The following BMP7 variants were observed in gnomAD, a reference collection of about 807,000 sequenced individuals.
BMP7 encodes bone morphogenetic protein 7, also known as osteogenic protein 1.
A neutral mutation model predicts 41.2 loss-of-function variants in BMP7; 12 were observed. The ratio of observed to expected loss-of-function variants is 0.29; its 90% CI spans 0.19 to 0.47. The LOEUF (loss-of-function observed/expected upper bound fraction) is 0.47. BMP7 is among the 20% of genes least tolerant of loss of function. The probability of loss-of-function intolerance (pLI) is 0.99; values close to 1 mark genes in which losing one functional copy is unlikely to be tolerated. For missense variants in BMP7, 467 were observed against 606.0 expected (o/e 0.77, Z 2.41); for synonymous variants, 248 against 250.0 (o/e 0.99, Z 0.07).
intron 3 of BMP7, among the ~76,000 whole-genome samples, chr20:57,202,064 AC>A (rs1472463091): frequency 1.3e-5 from 2 of 152,148 alleles, no homozygotes; most frequent in African/African-American, 2.4e-5. Context: ...TGAGTAAGAG[AC>A]CGGGGACGCT....
At chr20:57,186,842 C>T (rs926250794) in intron 3 of BMP7, among the ~76,000 whole-genome samples, 1 of 152,178 alleles carries the variant, frequency 6.6e-6, no homozygotes, top group Non-Finnish European at 1.5e-5. Context: ...TTCCCCCACC[C>T]GCCGCTATTT....
intron 1 of BMP7, among the ~76,000 whole-genome samples, chr20:57,250,919 T>G (rs1473325482): frequency 6.6e-6 from 1 of 152,210 alleles, no homozygotes; most frequent in Non-Finnish European, 1.5e-5. Flanking sequence ...CCATTTCAGC[T>G]GAGGTATCAT....
At chr20:57,179,456 G>A (rs929861537) in intron 4 of BMP7, among the ~76,000 whole-genome samples, 1 of 152,272 alleles carries the variant, frequency 6.6e-6, no homozygotes, top group Admixed American at 6.5e-5. Context: ...CCAAACGTGG[G>A]TGGGGAGAAG....
chr20:57,202,704 T>A, intron 2 of BMP7, 81 bp from the exon 3 acceptor site: 68 of 606,086 alleles, frequency 1.1e-4, no homozygotes, highest in Non-Finnish European at 1.7e-4. Context: ...AAGCAGAGCC[T>A]CATGGGGTGG....
chr20:57,260,214 G>GT (rs2066148646), intron 1 of BMP7, among the ~76,000 whole-genome samples: 1 of 152,186 alleles, frequency 6.6e-6, no homozygotes, highest in South Asian at 2.1e-4. Context: ...TCGCAATTTT[G>GT]TAAGAATGCT....
At chr20:57,230,278 C>T (rs1314333751) in intron 1 of BMP7, among the ~76,000 whole-genome samples, 2 of 152,152 alleles carry the variant, frequency 1.3e-5, no homozygotes, top group African/African-American at 4.8e-5. Flanking sequence ...TGTCACCAAT[C>T]TGCTTTGATT....
At chr20:57,206,426 A>G (rs924706901) in intron 2 of BMP7, among the ~76,000 whole-genome samples, 2 of 152,170 alleles carry the variant, frequency 1.3e-5, no homozygotes, top group African/African-American at 2.4e-5. Flanking sequence ...GACACACCTG[A>G]TAAGTGGCAG....
intron 2 of BMP7, among the ~76,000 whole-genome samples, chr20:57,209,350 C>G (rs1461360895): frequency 3.5e-5 from 5 of 144,150 alleles, no homozygotes; most frequent in African/African-American, 5.1e-5. Context: ...GAGGCTGAGG[C>G]AGGAGAATCG....
intron 4 of BMP7, among the ~76,000 whole-genome samples, chr20:57,182,144 G>T (rs1256862645): frequency 5.3e-5 from 8 of 152,206 alleles, no homozygotes; most frequent in Non-Finnish European, 1.0e-4. Context: ...TTGTTGTGAG[G>T]TTCATTATTC....
At chr20:57,189,615 C>A (rs927791623) in intron 3 of BMP7, among the ~76,000 whole-genome samples, 4 of 152,178 alleles carry the variant, frequency 2.6e-5, no homozygotes, top group Non-Finnish European at 5.9e-5. Flanking sequence ...CATATTTCCA[C>A]GTCGATGAAA....
At chr20:57,194,012 G>C (rs771090445) in intron 3 of BMP7, among the ~76,000 whole-genome samples, 18 of 152,182 alleles carry the variant, frequency 1.2e-4, no homozygotes, top group African/African-American at 4.1e-4. Context: ...ACCTTCCTCC[G>C]TCCATGAACG....
intron 2 of BMP7, among the ~76,000 whole-genome samples, chr20:57,218,503 T>TGGTAGCTGGTGTGTGTTC (rs1436494423): frequency 4.6e-4 from 69 of 148,620 alleles, no homozygotes; most frequent in African/African-American, 1.5e-3. Flanking sequence ...GGTGTGTGTT[T>TGGTAGCTGGTGTGTGTTC]GCTGGTAGCT....
At chr20:57,241,010 T>C (rs553538964) in intron 1 of BMP7, among the ~76,000 whole-genome samples, 209 of 152,306 alleles carry the variant, frequency 1.4e-3, no homozygotes, top group Middle Eastern at 6.8e-3. Flanking sequence ...TTCACATGTA[T>C]ATATCATCTC....
chr20:57,217,949 G>A (rs2123107150), intron 2 of BMP7, among the ~76,000 whole-genome samples: 1 of 152,302 alleles, frequency 6.6e-6, no homozygotes, highest in Non-Finnish European at 1.5e-5. Flanking sequence ...ACGTGTTTAC[G>A]TGTACAGGAG....
At chr20:57,197,021 C>T (rs577610579) in intron 3 of BMP7, among the ~76,000 whole-genome samples, 1 of 151,998 alleles carries the variant, frequency 6.6e-6, no homozygotes, top group South Asian at 2.1e-4. Context: ...CCTGAGTCAG[C>T]CTCCCGAGTA....
At chr20:57,191,965 T>C (rs1440921000) in intron 3 of BMP7, among the ~76,000 whole-genome samples, 2 of 127,760 alleles carry the variant, frequency 1.6e-5, no homozygotes, top group Non-Finnish European at 3.1e-5. Context: ...ATATACCACA[T>C]AATATAGTAT....
Position 57,228,504 on chromosome 20 carries a change from T to G in BMP7, c.419-83A>C. Reference sequence around the variant, plus strand: ...CTCTCTGGCTCTGAGTCCAAGCATCTTGCCTAAGCTAGATGGAGGCATGCC... The same window carrying G: ...CTCTCTGGCTCTGAGTCCAAGCATCGTGCCTAAGCTAGATGGAGGCATGCC... On this transcript the variant is annotated intron_variant, in intron 1 of 6. Transcript: ENST00000395863. The surrounding 1 kb of genome is among the most constrained non-coding windows in gnomAD (Gnocchi z 4.5). The G allele has an allele frequency of 6.6e-7, 1 of 1,526,104 alleles. No homozygotes were observed. The allele number at this position is 1,526,104 out of a possible 1,614,324, so 94.5% of individuals were successfully genotyped here.
In BMP7 at chr20:57,219,501, G is replaced by A. The variant is rs138901848; in HGVS notation, c.611+8728C>T. 6.9e-3 allele frequency among the ~76,000 whole-genome samples: 1,049 copies of A among 152,246 alleles called. 4 individuals are homozygous for A. The highest frequency in any genetic ancestry group is 0.027 in the Middle Eastern group (8 of 294). On this transcript the variant is annotated intron_variant, in intron 2 of 6. Transcript: ENST00000395863. ...GTGACATTTTTGGTTTCACAACTGA[G>A]TGTGGGGATGTGTCATTGGCATCTG...
chr20:57,182,412 ACCCCAGCCACAG>A (rs1984105514), intron 4 of BMP7, among the ~76,000 whole-genome samples: 1 of 152,180 alleles, frequency 6.6e-6, no homozygotes, highest in African/African-American at 2.4e-5. Flanking sequence ...AAGGGATTGC[ACCCCAGCCACAG>A]CCCCAGTGCC....
Sources: allele counts gnomAD v4.1 joint callset (sites outside exome capture counted in the v4.1 genomes callset), GRCh38; gene constraint gnomAD v4.1.1; non-coding constraint Gnocchi (gnomAD v3.1); transcripts MANE v1.5; gene names NCBI Gene and HGNC (gene_info 2026-07-23, HGNC 2026-07-21).